The following SUMF1 variants were observed in gnomAD, a reference collection of about 807,000 sequenced individuals.
SUMF1 encodes formylglycine-generating enzyme.
In SUMF1, 48 loss-of-function variants were observed where a neutral mutation model predicts 47.6. That is an observed-to-expected ratio of 1.01 (90% CI 0.80 to 1.28). The LOEUF (loss-of-function observed/expected upper bound fraction) is 1.28, where lower values mean the gene tolerates loss of function less well. Among genes scored for constraint, SUMF1 ranks in the 50% most tolerant of loss-of-function variants. The probability of loss-of-function intolerance (pLI) is 0.00; values close to 1 mark genes in which losing one functional copy is unlikely to be tolerated. For synonymous variants in SUMF1, 230 were observed against 192.1 expected (o/e 1.20, Z -1.63); for missense variants, 571 against 485.4 (o/e 1.18, Z -1.66).
chr3:4,079,618 G>A (rs1405789205), intron 8 of SUMF1, among the ~76,000 whole-genome samples: 1 of 151,194 alleles, frequency 6.6e-6, no homozygotes, highest in Non-Finnish European at 1.5e-5. Flanking sequence ...AAATGAGGCT[G>A]ATGAAATCTA....
chr3:4,329,838 A>G (rs534266862), intron 8 of SUMF1, among the ~76,000 whole-genome samples: 18 of 152,050 alleles, frequency 1.2e-4, no homozygotes, highest in African/African-American at 4.3e-4. Flanking sequence ...CCTTCTAAAC[A>G]TAGTTGCAAT....
At chr3:4,413,250 CTT>C (rs1039936800) in intron 6 of SUMF1, among the ~76,000 whole-genome samples, 8 of 152,086 alleles carry the variant, frequency 5.3e-5, no homozygotes, top group Non-Finnish European at 1.2e-4. Context: ...AAACAAACCT[CTT>C]GTCTCAGCCT....
intron 8 of SUMF1, among the ~76,000 whole-genome samples, chr3:4,120,250 T>C (rs1693509018): frequency 6.6e-6 from 1 of 151,900 alleles, no homozygotes; most frequent in African/African-American, 2.4e-5. Flanking sequence ...CATATTCGTA[T>C]GCTCAGTGAC....
chr3:4,132,523 A>G lies in SUMF1; in HGVS notation c.1015-63778T>C, dbSNP rs115745979. Among the ~76,000 whole-genome samples, 659 of 152,224 alleles carry G rather than the reference A, an allele frequency of 4.3e-3. 7 individuals carry two copies. The highest frequency in any genetic ancestry group is 0.015 in the African/African-American group (620 of 41,510). On this transcript the variant is annotated intron_variant and NMD_transcript_variant, in intron 8 of 12. Coordinates refer to the SUMF1 transcript ENST00000448413. ...ATAGCCAGGATTCATCGGTCCAGGT[A>G]TCAAGGGGTGAAAGTGGAAGTGGCA...
intron 9 of SUMF1, among the ~76,000 whole-genome samples, chr3:4,039,693 A>G (rs938616548): frequency 6.6e-6 from 1 of 152,098 alleles, no homozygotes; most frequent in Non-Finnish European, 1.5e-5. Flanking sequence ...CAATATTCTA[A>G]AAACAATAGG....
intron 8 of SUMF1, among the ~76,000 whole-genome samples, chr3:4,247,189 C>T (rs1244412892): frequency 1.3e-5 from 2 of 152,130 alleles, no homozygotes; most frequent in Admixed American, 6.5e-5. Context: ...AGAAGCAAAA[C>T]CAGAGTCAAG....
At chr3:4,135,416 T>C (rs1405125438) in intron 8 of SUMF1, among the ~76,000 whole-genome samples, 1 of 152,072 alleles carries the variant, frequency 6.6e-6, no homozygotes, top group Non-Finnish European at 1.5e-5. Context: ...TTTGACAAAA[T>C]TCAACAACGT....
chr3:4,402,348 C>G (rs906462305), intron 7 of SUMF1, among the ~76,000 whole-genome samples: 1 of 152,194 alleles, frequency 6.6e-6, no homozygotes, highest in Non-Finnish European at 1.5e-5. Flanking sequence ...ACAGCTCCAA[C>G]TGGTAGAGAA....
intron 3 of SUMF1, among the ~76,000 whole-genome samples, chr3:4,447,912 T>C (rs759647180): frequency 1.3e-5 from 2 of 152,120 alleles, no homozygotes; most frequent in Non-Finnish European, 2.9e-5. Context: ...GCCCTGTATC[T>C]GAAAAGGCAA....
intron 8 of SUMF1, among the ~76,000 whole-genome samples, chr3:4,165,762 T>G (rs1350377651): frequency 2.6e-5 from 4 of 151,814 alleles, no homozygotes; most frequent in Non-Finnish European, 5.9e-5. Flanking sequence ...TGGGTCAAAT[T>G]GGCCCCAATG....
intron 7 of SUMF1, among the ~76,000 whole-genome samples, chr3:4,391,636 T>C (rs886661965): frequency 1.3e-5 from 2 of 151,970 alleles, no homozygotes; most frequent in African/African-American, 4.8e-5. Context: ...GTGCATACCA[T>C]GATACCTGAC....
chr3:4,162,782 C>A (rs795287), intron 8 of SUMF1, among the ~76,000 whole-genome samples: 10,855 of 152,140 alleles, frequency 0.071, 443 homozygotes, highest in Non-Finnish European at 0.087. Flanking sequence ...ACTGTGATCA[C>A]TCACCTGATT....
chr3:4,129,426 A>C (rs1693732599), intron 8 of SUMF1, among the ~76,000 whole-genome samples: 1 of 152,126 alleles, frequency 6.6e-6, no homozygotes, highest in South Asian at 2.1e-4. Context: ...ATTCCTACTT[A>C]ATTTATATAA....
At chr3:4,335,960 C>CAAAAAAAAAAAAAAAAAAA (rs770091674) in intron 8 of SUMF1, among the ~76,000 whole-genome samples, 30 of 73,842 alleles carry the variant, frequency 4.1e-4, no homozygotes, top group African/African-American at 1.3e-3. Context: ...GATTCCAACT[C>CAAAAAAAAAAAAAAAAAAA]AAAAAAAAAA....
At chr3:4,394,212 C>G (rs555232996) in intron 7 of SUMF1, among the ~76,000 whole-genome samples, 8 of 152,156 alleles carry the variant, frequency 5.3e-5, no homozygotes, top group Non-Finnish European at 1.0e-4. Flanking sequence ...CTCTGTTACC[C>G]AGGGTAGAGT....
chr3:4,216,020 C>G (rs1695915669), intron 8 of SUMF1, among the ~76,000 whole-genome samples: 1 of 152,122 alleles, frequency 6.6e-6, no homozygotes, highest in Non-Finnish European at 1.5e-5. Context: ...TGACTTTCTT[C>G]ACAGAATTGG....
intron 8 of SUMF1, among the ~76,000 whole-genome samples, chr3:4,106,644 G>A (rs949846732): frequency 6.6e-6 from 1 of 152,054 alleles, no homozygotes; most frequent in Non-Finnish European, 1.5e-5. Context: ...AAAAGTAGAA[G>A]CCGAATAATC....
intron 3 of SUMF1, among the ~76,000 whole-genome samples, chr3:4,421,336 T>A (rs1049203851): frequency 6.6e-6 from 1 of 152,162 alleles, no homozygotes; most frequent in Non-Finnish European, 1.5e-5. Context: ...ACAGGACTTA[T>A]GACTATGCCC....
At chr3:4,148,767 G>T (rs1694252243) in intron 8 of SUMF1, among the ~76,000 whole-genome samples, 2 of 151,982 alleles carry the variant, frequency 1.3e-5, no homozygotes, top group South Asian at 4.1e-4. Context: ...ACTAATCCTG[G>T]CCTAAAAACA....
Sources: gnomAD v4.1 joint callset for allele counts (sites outside exome capture counted in the v4.1 genomes callset) on GRCh38, gnomAD v4.1.1 for gene constraint, MANE v1.5 for transcripts, NCBI Gene and HGNC (gene_info 2026-07-23, HGNC 2026-07-21) for gene names.